The following NFXL1 variants were observed in gnomAD, a reference collection of about 807,000 sequenced individuals.
NFXL1 encodes NF-X1-type zinc finger protein NFXL1.
NFXL1 carries 66 observed loss-of-function variants against 123.3 expected under a neutral mutation model. The ratio of observed to expected loss-of-function variants is 0.54; its 90% CI spans 0.44 to 0.66. NFXL1 has a LOEUF of 0.66. Among genes scored for constraint, NFXL1 ranks in the 30% least tolerant of loss-of-function variants. The pLI is 0.00. For synonymous variants in NFXL1, 346 were observed against 360.8 expected (o/e 0.96, Z 0.46); for missense variants, 944 against 1,125.6 (o/e 0.84, Z 2.31).
At chr4:47,872,771 G>A (rs1160640656) in intron 18 of NFXL1, among the ~76,000 whole-genome samples, 2 of 152,114 alleles carry the variant, frequency 1.3e-5, no homozygotes, top group Non-Finnish European at 2.9e-5. Flanking sequence ...GGAGCATCTT[G>A]CCTAGATGTT....
intron 18 of NFXL1, among the ~76,000 whole-genome samples, chr4:47,868,571 C>CAA (rs35342812): frequency 2.2e-5 from 3 of 134,638 alleles, no homozygotes; most frequent in Non-Finnish European, 3.2e-5. Flanking sequence ...TAAAAACGTA[C>CAA]AAAAAAAAAA....
intron 19 of NFXL1, among the ~76,000 whole-genome samples, chr4:47,856,293 A>G (rs1293024060): frequency 1.3e-5 from 2 of 152,162 alleles, no homozygotes; most frequent in East Asian, 1.9e-4. Context: ...TGAGTTCAGT[A>G]TATTTAGTTA....
At chr4:47,897,071 A>G (rs1438643538) in intron 9 of NFXL1, among the ~76,000 whole-genome samples, 1 of 152,196 alleles carries the variant, frequency 6.6e-6, no homozygotes, top group African/African-American at 2.4e-5. Context: ...GCACTTTGGG[A>G]GGCCGAGACA....
chr4:47,853,717 G>GT (rs1328050195), intron 20 of NFXL1, among the ~76,000 whole-genome samples: 1 of 152,078 alleles, frequency 6.6e-6, no homozygotes, highest in Non-Finnish European at 1.5e-5. Context: ...GGGCACTTAA[G>GT]TAACAGATTC....
chr4:47,863,469 G>T (rs1734876995), intron 18 of NFXL1, among the ~76,000 whole-genome samples: 1 of 152,090 alleles, frequency 6.6e-6, no homozygotes, highest in Admixed American at 6.5e-5. Context: ...ATCACTTGAG[G>T]CTGGGAGTTC....
At chr4:47,894,326 T>C (rs771732402) in intron 10 of NFXL1, 24 bp from the exon 11 acceptor site, 8 of 1,531,248 alleles carry the variant, frequency 5.2e-6, no homozygotes, top group African/African-American at 1.4e-5. Context: ...AGAAATGCTA[T>C]TAAAATTGAT....
intron 3 of NFXL1, among the ~76,000 whole-genome samples, chr4:47,905,850 C>T (rs1737545886): frequency 6.6e-6 from 1 of 151,994 alleles, no homozygotes. Context: ...AGTACAATAG[C>T]CACATCTCAT....
At chr4:47,899,590 A>AG in intron 5 of NFXL1, 42 bp from the exon 6 acceptor site, 1 of 1,300,316 alleles carries the variant, frequency 7.7e-7, no homozygotes, top group Non-Finnish European at 1.1e-6. Context: ...CTTCACCTTT[A>AG]AAAGCAACAT....
chr4:47,898,899 A>G (rs1276351977), intron 7 of NFXL1, 42 bp from the exon 8 acceptor site: 3 of 1,610,754 alleles, frequency 1.9e-6, no homozygotes, highest in Non-Finnish European at 2.5e-6. Context: ...CATAAAAGCA[A>G]TAAAGATTGC....
intron 22 of NFXL1, among the ~76,000 whole-genome samples, chr4:47,850,520 C>G (rs142618841): frequency 3.6e-4 from 55 of 152,116 alleles, no homozygotes; most frequent in African/African-American, 1.3e-3. Flanking sequence ...GCCACTCTTT[C>G]AAGTGTATGA....
At chr4:47,892,110 T>A (rs180966158) in intron 11 of NFXL1, among the ~76,000 whole-genome samples, 2 of 152,140 alleles carry the variant, frequency 1.3e-5, no homozygotes, top group East Asian at 3.9e-4. Context: ...ACAACCAGAT[T>A]TACACTCCTG....
At chr4:47,894,515 T>G (rs1249651144) in intron 10 of NFXL1, among the ~76,000 whole-genome samples, 1 of 151,236 alleles carries the variant, frequency 6.6e-6, no homozygotes, top group Non-Finnish European at 1.5e-5. Flanking sequence ...TGTTATTAAA[T>G]TCAGAAAACT....
intron 18 of NFXL1, among the ~76,000 whole-genome samples, chr4:47,871,853 A>G (rs1439862959): frequency 6.6e-6 from 1 of 152,226 alleles, no homozygotes; most frequent in African/African-American, 2.4e-5. Context: ...ATGAACAGGA[A>G]TTTTTCAAAA....
chr4:47,881,760 TAAGTG>T (rs1231945423), intron 15 of NFXL1, among the ~76,000 whole-genome samples: 1 of 152,126 alleles, frequency 6.6e-6, no homozygotes, highest in African/African-American at 2.4e-5. Context: ...ACCATATTGC[TAAGTG>T]AAGAAGCCAG....
Position 47,862,882 on chromosome 4 carries a change from G to T in NFXL1, c.2280C>A (p.Asn760Lys), listed in dbSNP as rs768728985. 1.9e-6 allele frequency: 3 copies of T among 1,581,420 alleles called. No individual in the cohort carries two copies. The highest frequency in any genetic ancestry group is 2.7e-5 in the African/African-American group (2 of 73,022). ...KITTADVNEK[N>K]LLSCCKNQCP... is the part of the protein sequence containing the mutation. ...ACTGATTTTTGCAACAACTGAGGAG[G>T]TTCTTTTCATTTACATCAGCTGTGG... Residue 760 changes from asparagine (N) to lysine (K), a missense_variant, in exon 19 of 23, where the codon AAC becomes AAA. Physicochemically the swap from Asn to Lys is moderately conservative, Grantham distance 94. This residue lies in a region of NFXL1 where 301 missense variants were observed against 348.0 expected (regional missense o/e 0.86). Coordinates refer to ENST00000507489, the MANE Select transcript of NFXL1 (RefSeq NM_001278624.2).
intron 1 of NFXL1, 64 bp from the exon 2 acceptor site, chr4:47,914,269 G>A: frequency 7.8e-7 from 1 of 1,288,278 alleles, no homozygotes; most frequent in Non-Finnish European, 1.0e-6. Context: ...CCGAGGCGAA[G>A]GAGGGTCAGT....
intron 12 of NFXL1, among the ~76,000 whole-genome samples, chr4:47,888,082 T>C (rs1015897465): frequency 3.9e-5 from 6 of 152,178 alleles, no homozygotes; most frequent in South Asian, 4.1e-4. Context: ...GAGACCATCC[T>C]AGCCAACATG....
At chr4:47,872,586 A>G (rs1735516992) in intron 18 of NFXL1, among the ~76,000 whole-genome samples, 2 of 152,322 alleles carry the variant, frequency 1.3e-5, no homozygotes, top group Admixed American at 1.3e-4. Flanking sequence ...CAAGTCACAC[A>G]CATTTTTTGG....
intron 19 of NFXL1, 44 bp downstream of exon 19, chr4:47,862,802 C>G (rs1435425054): frequency 1.9e-6 from 2 of 1,056,738 alleles, no homozygotes; most frequent in African/African-American, 3.2e-5. Context: ...CCAAGAGAAA[C>G]AATGCCCAAG....
Sources: gnomAD v4.1 joint callset for allele counts (sites outside exome capture counted in the v4.1 genomes callset) on GRCh38, gnomAD v4.1.1 for gene constraint, gnomAD v4.1.1 regional missense constraint, MANE v1.5 for transcripts, NCBI Gene and HGNC (gene_info 2026-07-23, HGNC 2026-07-21) for gene names.